NRXN3: variants seen among roughly 807,000 people sequenced by gnomAD.
The protein encoded by NRXN3 is neurexin III.
In NRXN3, 32 loss-of-function variants were observed where a neutral mutation model predicts 137.6. That is an observed-to-expected ratio of 0.23 (90% CI 0.18 to 0.31). NRXN3 has a LOEUF of 0.31. NRXN3 is among the 10% of genes least tolerant of loss of function. The pLI, the probability that NRXN3 is intolerant of heterozygous loss-of-function variation, is 1.00. For missense variants in NRXN3, 1,574 were observed against 2,062.5 expected, an observed-to-expected ratio of 0.76 and a Z score of 4.59; for synonymous variants, 798 against 784.5, an observed-to-expected ratio of 1.02 and a Z score of -0.29.
intron 16 of NRXN3, among the ~76,000 whole-genome samples, chr14:79,480,475 C>A (rs1219858215): frequency 6.6e-6 from 1 of 152,054 alleles, no homozygotes; most frequent in African/African-American, 2.4e-5. Flanking sequence ...TAAAAGAAGA[C>A]AAAAATCTCC....
At chr14:79,793,158 G>C (rs549853599) in intron 19 of NRXN3, among the ~76,000 whole-genome samples, 138 of 152,128 alleles carry the variant, frequency 9.1e-4, no homozygotes, top group Admixed American at 2.6e-3. Context: ...TCGGCCGGGC[G>C]CGGTGGCTCA....
At chr14:79,594,007 T>A (rs1035542667) in intron 16 of NRXN3, among the ~76,000 whole-genome samples, 16 of 151,938 alleles carry the variant, frequency 1.1e-4, no homozygotes, top group African/African-American at 3.1e-4. Context: ...ATCCTTTTTT[T>A]GAAAAAAAGC....
chr14:78,681,002 C>A (rs1346929645), intron 6 of NRXN3, among the ~76,000 whole-genome samples: 4 of 152,142 alleles, frequency 2.6e-5, no homozygotes, highest in African/African-American at 9.7e-5. Context: ...AGGAAAGCAA[C>A]AGATGTAGTA....
At chr14:79,606,983 A>C (rs568307574) in intron 16 of NRXN3, among the ~76,000 whole-genome samples, 1 of 152,352 alleles carries the variant, frequency 6.6e-6, no homozygotes, top group East Asian at 1.9e-4. Context: ...TTGCTTTAGA[A>C]ACTGGGTAAA....
At chr14:79,471,922 C>T (rs2096514487) in intron 16 of NRXN3, among the ~76,000 whole-genome samples, 1 of 152,054 alleles carries the variant, frequency 6.6e-6, no homozygotes, top group South Asian at 2.1e-4. Flanking sequence ...GTTTGTTGTA[C>T]AGATTATTTC....
At chr14:79,090,280 T>C (rs1414682330) in intron 15 of NRXN3, among the ~76,000 whole-genome samples, 1 of 152,186 alleles carries the variant, frequency 6.6e-6, no homozygotes. Context: ...TTAAAGTCTC[T>C]GAGTATGCAT....
chr14:79,842,726 G>A (rs2099358708), intron 20 of NRXN3, among the ~76,000 whole-genome samples: 1 of 152,046 alleles, frequency 6.6e-6, no homozygotes, highest in African/African-American at 2.4e-5. Context: ...ATCTCACATA[G>A]TTATACATTT....
intron 4 of NRXN3, among the ~76,000 whole-genome samples, chr14:78,629,049 A>G (rs1353272542): frequency 6.6e-6 from 1 of 152,204 alleles, no homozygotes; most frequent in Non-Finnish European, 1.5e-5. Flanking sequence ...TGAAGATTCT[A>G]TGAAACATTA....
At chr14:79,730,406 A>T (rs944096377) in intron 19 of NRXN3, among the ~76,000 whole-genome samples, 4 of 152,190 alleles carry the variant, frequency 2.6e-5, no homozygotes, top group African/African-American at 4.8e-5. Context: ...ATTGACAAGC[A>T]CTTGATAGAG....
chr14:79,038,578 A>T (rs1332960886), intron 15 of NRXN3, among the ~76,000 whole-genome samples: 1 of 152,254 alleles, frequency 6.6e-6, no homozygotes, highest in East Asian at 1.9e-4. Context: ...TTTACTTCTA[A>T]TAATGGGTAT....
At chr14:78,663,365 TTC>T (rs772117947) in intron 6 of NRXN3, among the ~76,000 whole-genome samples, 2 of 152,198 alleles carry the variant, frequency 1.3e-5, no homozygotes, top group Non-Finnish European at 2.9e-5. Context: ...AATTACCTAT[TTC>T]TTTCACCTTG....
intron 19 of NRXN3, among the ~76,000 whole-genome samples, chr14:79,721,595 A>ATTAAAAGAGC (rs1280329231): frequency 6.6e-6 from 1 of 152,170 alleles, no homozygotes; most frequent in Non-Finnish European, 1.5e-5. Flanking sequence ...CGGAAAAAAG[A>ATTAAAAGAGC]TTAAAAGAGC....
chr14:78,966,957 G>A lies in NRXN3; in HGVS notation c.2778-251G>A, dbSNP rs909190750. ...TTATGTTTTGTAGTGTACAACCTGT[G>A]CTACTTTGACTCTGGAGAGTATTAG... is the stretch of plus-strand genomic sequence containing the variant. On this transcript the variant is annotated intron_variant, in intron 12 of 20. Transcript: ENST00000335750. 5.3e-5 allele frequency among the ~76,000 whole-genome samples: 8 copies of A among 152,290 alleles called. No homozygotes were observed. In the South Asian group the frequency reaches 1.4e-3, roughly 28 times the overall value.
intron 4 of NRXN3, among the ~76,000 whole-genome samples, chr14:78,556,975 T>C (rs1297399378): frequency 1.1e-5 from 1 of 89,318 alleles, no homozygotes; most frequent in African/African-American, 4.4e-5. Flanking sequence ...CTCCCCTCCC[T>C]CCCTTCCCTT....
intron 19 of NRXN3, among the ~76,000 whole-genome samples, chr14:79,728,004 A>G (rs1354263855): frequency 2.0e-5 from 3 of 152,150 alleles, no homozygotes; most frequent in Non-Finnish European, 4.4e-5. Context: ...GTGGACTATT[A>G]ACTCTCAAAT....
rs74064056 is a variant in NRXN3, at chr14:78,346,554, G to A, written c.757+48694G>A. ...TGGGTGAGGAAACAGGATCAGGGAA[G>A]TTAAATGGCTTACATTCACACAGAG... On this transcript the variant is annotated intron_variant, in intron 4 of 20. Transcript: ENST00000335750. Among the ~76,000 whole-genome samples the A allele has an allele frequency of 1.2e-3, 176 of 152,330 alleles. 1 individual carries two copies. The highest frequency in any genetic ancestry group is 4.2e-3 in the African/African-American group (174 of 41,570).
chr14:78,207,160 G>A (rs570838972), intron 1 of NRXN3, among the ~76,000 whole-genome samples: 6 of 152,176 alleles, frequency 3.9e-5, no homozygotes, highest in African/African-American at 1.2e-4. Flanking sequence ...CACCGCGCCC[G>A]GCCTCCCCAC....
At chr14:78,179,248 G>A (rs1459975298) in intron 1 of NRXN3, among the ~76,000 whole-genome samples, 1 of 152,110 alleles carries the variant, frequency 6.6e-6, no homozygotes, top group Non-Finnish European at 1.5e-5. Context: ...GATGCACAGA[G>A]GGAATGAGCG....
At position 79,697,766 on chromosome 14, in the gene NRXN3, C is replaced by A; in HGVS notation, c.3843C>A (p.Asn1281Lys). The A allele has an allele frequency of 6.2e-7, 1 of 1,613,080 alleles. No individual in the cohort carries two copies. Among genetic ancestry groups the A allele is most frequent in the South Asian group, 1.1e-5 (1 of 91,056 alleles). Residue 1281 changes from asparagine to lysine, a missense_variant, in exon 19 of 21, where the codon AAC becomes AAA. Asn to Lys is a moderately conservative substitution (Grantham distance 94, BLOSUM62 0). Transcript: ENST00000335750. ...TACTGAACATGGCGGCTGAGAACAACCCCAATATTAAAATCAATGGAAGTG... is the reference window on the plus strand; with the variant it reads ...TACTGAACATGGCGGCTGAGAACAAACCCAATATTAAAATCAATGGAAGTG... ...LKVLNMAAENNPNIKINGSVR... is the reference protein window; with the variant it reads ...LKVLNMAAENKPNIKINGSVR...
Sources: allele counts gnomAD v4.1 joint callset (sites outside exome capture counted in the v4.1 genomes callset), GRCh38; gene constraint gnomAD v4.1.1; transcripts MANE v1.5; gene names NCBI Gene and HGNC (gene_info 2026-07-23, HGNC 2026-07-21).